INPP4B: variants seen among roughly 807,000 people sequenced by gnomAD.
The protein encoded by INPP4B is inositol polyphosphate 4-phosphatase type II.
INPP4B carries 55 observed loss-of-function variants against 122.5 expected under a neutral mutation model. That is an observed-to-expected ratio of 0.45 (90% CI 0.36 to 0.56). INPP4B has a LOEUF of 0.56. Ranked by LOEUF, INPP4B falls within the 20% of genes least tolerant of loss-of-function variation. INPP4B has a pLI of 0.00. For missense variants in INPP4B, 1,000 were observed against 1,097.7 expected, an observed-to-expected ratio of 0.91 and a Z score of 1.26; for synonymous variants, 403 against 388.7, an observed-to-expected ratio of 1.04 and a Z score of -0.43.
chr4:142,340,552 T>A (rs1427233630), intron 7 of INPP4B, among the ~76,000 whole-genome samples: 1 of 152,110 alleles, frequency 6.6e-6, no homozygotes, highest in African/African-American at 2.4e-5. Flanking sequence ...GGACTATAGA[T>A]GTGTGCCACC....
intron 5 of INPP4B, among the ~76,000 whole-genome samples, chr4:142,426,262 CTCCTT>C (rs1383474937): frequency 6.6e-6 from 1 of 151,934 alleles, no homozygotes; most frequent in Non-Finnish European, 1.5e-5. Flanking sequence ...CAAGATTAGT[CTCCTT>C]TATACATTTT....
At chr4:142,048,919 A>G (rs1752998460) in intron 25 of INPP4B, among the ~76,000 whole-genome samples, 1 of 152,040 alleles carries the variant, frequency 6.6e-6, no homozygotes, top group Non-Finnish European at 1.5e-5. Context: ...GAACATATCA[A>G]TGCCAAAGGA....
chr4:142,380,635 A>G (rs897782640), intron 7 of INPP4B, among the ~76,000 whole-genome samples: 5 of 152,142 alleles, frequency 3.3e-5, no homozygotes, highest in Middle Eastern at 3.2e-3. Flanking sequence ...GGCTATTAAC[A>G]TAAGTGTTTT....
chr4:142,336,681 G>A (rs775557838), intron 7 of INPP4B, among the ~76,000 whole-genome samples: 8 of 152,244 alleles, frequency 5.3e-5, no homozygotes, highest in South Asian at 2.1e-4. Flanking sequence ...TGCCCAAGGC[G>A]GAAGCCAATT....
At chr4:142,771,018 AT>A (rs1303831298) in intron 1 of INPP4B, among the ~76,000 whole-genome samples, 1 of 152,188 alleles carries the variant, frequency 6.6e-6, no homozygotes, top group Non-Finnish European at 1.5e-5. Flanking sequence ...TAACAAATGC[AT>A]CCTGCACCCA....
intron 25 of INPP4B, among the ~76,000 whole-genome samples, chr4:142,060,757 T>C (rs1173660908): frequency 2.0e-5 from 3 of 152,120 alleles, no homozygotes; most frequent in African/African-American, 7.2e-5. Context: ...GGCCAAGGGG[T>C]CTCAGGCATT....
chr4:142,136,438 C>A (rs1208727984), intron 18 of INPP4B, among the ~76,000 whole-genome samples: 1 of 152,238 alleles, frequency 6.6e-6, no homozygotes, highest in Non-Finnish European at 1.5e-5. Flanking sequence ...CAGGGCTCTG[C>A]TGAGTGAGAG....
chr4:142,420,763 G>A (rs1052703941), intron 5 of INPP4B, among the ~76,000 whole-genome samples: 54 of 152,174 alleles, frequency 3.5e-4, no homozygotes, highest in African/African-American at 1.2e-3. Context: ...GGCAACTGTT[G>A]AGCCTGTAAT....
chr4:142,161,443 A>G (rs1345250489), intron 16 of INPP4B, among the ~76,000 whole-genome samples: 1 of 152,094 alleles, frequency 6.6e-6, no homozygotes, highest in East Asian at 1.9e-4. Flanking sequence ...AATGGCCCAT[A>G]TTGTTAACAT....
At chr4:142,230,613 A>G (rs1853829534) in intron 12 of INPP4B, among the ~76,000 whole-genome samples, 2 of 142,344 alleles carry the variant, frequency 1.4e-5, no homozygotes, top group South Asian at 2.3e-4. Context: ...ATTGCACTCC[A>G]GCCTGGGCAA....
intron 7 of INPP4B, among the ~76,000 whole-genome samples, chr4:142,323,334 T>C (rs1770842905): frequency 6.6e-6 from 1 of 152,114 alleles, no homozygotes; most frequent in African/African-American, 2.4e-5. Flanking sequence ...TGAGAAGCTC[T>C]GGTTTGGAAG....
chr4:142,206,118 T>C (rs747252169), intron 14 of INPP4B, among the ~76,000 whole-genome samples: 1 of 152,152 alleles, frequency 6.6e-6, no homozygotes, highest in African/African-American at 2.4e-5. Flanking sequence ...GAAGAAATTT[T>C]ATGAATTTAC....
At chr4:142,630,101 G>T (rs1171207062) in intron 2 of INPP4B, among the ~76,000 whole-genome samples, 1 of 152,080 alleles carries the variant, frequency 6.6e-6, no homozygotes, top group African/African-American at 2.4e-5. Flanking sequence ...AGCCCAACGC[G>T]ATCAGTAGTT....
chr4:142,747,837 A>T (rs1011307935), intron 1 of INPP4B, among the ~76,000 whole-genome samples: 2 of 151,708 alleles, frequency 1.3e-5, no homozygotes, highest in Non-Finnish European at 2.9e-5. Context: ...ACAGGGATGC[A>T]GGAAGGGGAA....
chr4:142,159,954 G>A (rs537650545), intron 17 of INPP4B, among the ~76,000 whole-genome samples: 3 of 152,108 alleles, frequency 2.0e-5, no homozygotes, highest in South Asian at 2.1e-4. Context: ...CTTTTAAAAA[G>A]TACTTCCAGA....
chr4:142,769,383 C>T (rs961432958), intron 1 of INPP4B, among the ~76,000 whole-genome samples: 2 of 152,082 alleles, frequency 1.3e-5, no homozygotes, highest in Non-Finnish European at 2.9e-5. Context: ...TTTCTGGATC[C>T]CCAAGTGAAA....
At chr4:142,653,885 A>T (rs912434223) in intron 2 of INPP4B, among the ~76,000 whole-genome samples, 3 of 152,322 alleles carry the variant, frequency 2.0e-5, no homozygotes, top group African/African-American at 7.2e-5. Context: ...TACCCAAAGG[A>T]TTATAAATCA....
At chr4:142,054,202 C>T (rs1243554605) in intron 25 of INPP4B, among the ~76,000 whole-genome samples, 1 of 151,760 alleles carries the variant, frequency 6.6e-6, no homozygotes, top group Non-Finnish European at 1.5e-5. Context: ...TAAAACAAAA[C>T]CTGGCTGGCT....
chr4:142,788,932 C>T (rs1000614481), intron 1 of INPP4B, among the ~76,000 whole-genome samples: 1 of 151,922 alleles, frequency 6.6e-6, no homozygotes, highest in South Asian at 2.1e-4. Context: ...ATTTAACATA[C>T]GCAAGTCAAT....
Sources: gnomAD v4.1 joint callset for allele counts (sites outside exome capture counted in the v4.1 genomes callset) on GRCh38, gnomAD v4.1.1 for gene constraint, MANE v1.5 for transcripts, NCBI Gene and HGNC (gene_info 2026-07-23, HGNC 2026-07-21) for gene names.